Variants in ARHGAP5 observed in about 807,000 individuals in gnomAD.
The protein encoded by ARHGAP5 is Rho GTPase activating protein 5.
A neutral mutation model predicts 116.6 loss-of-function variants in ARHGAP5; 23 were observed. The observed-to-expected ratio is 0.20, with a 90% confidence interval of 0.14 to 0.28. The LOEUF is 0.28. Among genes scored for constraint, ARHGAP5 ranks in the 10% least tolerant of loss-of-function variants. ARHGAP5 has a pLI of 1.00. For missense variants in ARHGAP5, 1,405 were observed against 1,774.8 expected (o/e 0.79, Z 3.74); for synonymous variants, 574 against 602.0 (o/e 0.95, Z 0.68).
chr14:32,122,365 G>C (rs1197222686), intron 3 of ARHGAP5, among the ~76,000 whole-genome samples: 1 of 152,070 alleles, frequency 6.6e-6, no homozygotes, highest in Non-Finnish European at 1.5e-5. Context: ...TAGTTGGATT[G>C]TTTGTCTTAC....
chr14:32,081,177 T>TAAGAATTTG (rs1339198654), intron 1 of ARHGAP5, among the ~76,000 whole-genome samples: 12 of 152,124 alleles, frequency 7.9e-5, no homozygotes, highest in Non-Finnish European at 1.6e-4. Flanking sequence ...GAGGTATATT[T>TAAGAATTTG]AGGGAAGTAC....
intron 2 of ARHGAP5, among the ~76,000 whole-genome samples, chr14:32,105,367 A>G (rs1164744181): frequency 1.3e-5 from 2 of 151,896 alleles, no homozygotes; most frequent in African/African-American, 2.4e-5. Context: ...CTTCCGTTCC[A>G]TTTTCATACT....
At chr14:32,126,212 T>C (rs1880145114) in intron 3 of ARHGAP5, among the ~76,000 whole-genome samples, 1 of 148,482 alleles carries the variant, frequency 6.7e-6, no homozygotes, top group South Asian at 2.2e-4. Flanking sequence ...GAGTATGATA[T>C]CAGCTGTGGG....
rs1878363526 is a variant in ARHGAP5, at chr14:32,093,395, CT to C, written c.2727del (p.Glu910ArgfsTer30). ...ATGACTGAAGGAGAACACATTGCAA[CT>C]GAGATCACTGCTAAATTTACAGCAC... ...ELMTEGEHIATEITAKFTALY... is the reference protein window; with the variant it reads ...ELMTEGEHIAXEITAKFTALY... On this transcript the variant is annotated frameshift_variant, in exon 2 of 7. Coordinates refer to ENST00000345122, the MANE Select transcript of ARHGAP5 (RefSeq NM_001030055.2). LOFTEE classifies it high-confidence loss of function. The C allele has an allele frequency of 6.2e-7, 1 of 1,613,800 alleles. No homozygotes were observed. Among genetic ancestry groups the C allele is most frequent in the Non-Finnish European group, 8.5e-7 (1 of 1,179,932 alleles).
intron 2 of ARHGAP5, among the ~76,000 whole-genome samples, chr14:32,099,806 C>G (rs117728263): frequency 2.0e-3 from 310 of 152,222 alleles, no homozygotes; most frequent in Non-Finnish European, 1.9e-3. Context: ...TTCCTTGATA[C>G]CTGGAAAACC....
chr14:32,138,825 A>G (rs1339505307), intron 3 of ARHGAP5, among the ~76,000 whole-genome samples: 1 of 152,214 alleles, frequency 6.6e-6, no homozygotes, highest in Non-Finnish European at 1.5e-5. Flanking sequence ...TAATAAGTAT[A>G]TAGCTCTGGA....
intron 3 of ARHGAP5, among the ~76,000 whole-genome samples, chr14:32,137,188 T>C (rs1880847758): frequency 6.6e-6 from 1 of 150,856 alleles, no homozygotes; most frequent in East Asian, 1.9e-4. Flanking sequence ...ACTTTTTCCT[T>C]TATCCCTAGG....
chr14:32,134,389 T>A (rs1880675704), intron 3 of ARHGAP5, among the ~76,000 whole-genome samples: 1 of 152,212 alleles, frequency 6.6e-6, no homozygotes, highest in African/African-American at 2.4e-5. Context: ...AAAATACTGC[T>A]TTTTGTCTTA....
At chr14:32,111,838 GAT>G (rs1879317915) in intron 2 of ARHGAP5, among the ~76,000 whole-genome samples, 1 of 116,044 alleles carries the variant, frequency 8.6e-6, no homozygotes, top group Admixed American at 9.5e-5. Flanking sequence ...CTTCTTCTTT[GAT>G]TTTTTTTTTT....
intron 2 of ARHGAP5, among the ~76,000 whole-genome samples, chr14:32,105,183 A>C (rs1381384988): frequency 6.6e-6 from 1 of 152,150 alleles, no homozygotes; most frequent in Non-Finnish European, 1.5e-5. Flanking sequence ...GTATCTGTTC[A>C]ATAAGAAAGG....
chr14:32,086,673 A>G (rs1238181300), intron 1 of ARHGAP5, among the ~76,000 whole-genome samples: 1 of 151,880 alleles, frequency 6.6e-6, no homozygotes, highest in Non-Finnish European at 1.5e-5. Flanking sequence ...ATTTATTGAG[A>G]TTTTATTTTT....
chr14:32,082,959 C>CT (rs1326819849), intron 1 of ARHGAP5, among the ~76,000 whole-genome samples: 1 of 152,232 alleles, frequency 6.6e-6, no homozygotes, highest in African/African-American at 2.4e-5. Context: ...AGTGGCTTCT[C>CT]TATTGCTTAT....
intron 5 of ARHGAP5, among the ~76,000 whole-genome samples, chr14:32,150,462 T>C (rs1881587998): frequency 6.6e-6 from 1 of 152,228 alleles, no homozygotes; most frequent in African/African-American, 2.4e-5. Flanking sequence ...CTTACAGTTC[T>C]AGAGGCTGGT....
chr14:32,143,661 G>A (rs949903774), intron 3 of ARHGAP5, among the ~76,000 whole-genome samples: 8 of 152,126 alleles, frequency 5.3e-5, no homozygotes, highest in African/African-American at 1.9e-4. Context: ...GTGATTTAAG[G>A]CCATATAAAA....
intron 3 of ARHGAP5, among the ~76,000 whole-genome samples, chr14:32,131,790 T>A (rs185798939): frequency 1.8e-4 from 28 of 152,142 alleles, no homozygotes; most frequent in Admixed American, 1.4e-3. Context: ...TGTGTCCACG[T>A]GTTCTCATTA....
rs988922470 is a variant in ARHGAP5, at chr14:32,090,830, C to A, written c.161C>A (p.Thr54Asn). 1 of 1,613,636 alleles carries A rather than the reference C, an allele frequency of 6.2e-7. No individual in the cohort carries two copies. Among genetic ancestry groups the A allele is most frequent in the African/African-American group, 1.3e-5 (1 of 75,002 alleles). ...SKADEYYPEH[T>N]SVLSTIDFGG... is the part of the protein sequence containing the mutation. ...GCAGATGAATATTATCCAGAGCATACTTCTGTGCTTAGCACCATTGACTTT... is the reference window on the plus strand; with the variant it reads ...GCAGATGAATATTATCCAGAGCATAATTCTGTGCTTAGCACCATTGACTTT... Residue 54 changes from threonine to asparagine, a missense_variant, in exon 2 of 7, where the codon ACT (threonine) becomes AAT (asparagine). Around this residue, in one of 6 missense-constraint regions of ARHGAP5, gnomAD observed 190 missense variants for 314.9 expected, o/e 0.60. Coordinates refer to ENST00000345122, the MANE Select transcript of ARHGAP5 (RefSeq NM_001030055.2).
At chr14:32,081,626 G>A (rs1037304246) in intron 1 of ARHGAP5, among the ~76,000 whole-genome samples, 3 of 151,696 alleles carry the variant, frequency 2.0e-5, no homozygotes, top group African/African-American at 7.3e-5. Context: ...ATTTGGAGAA[G>A]GTATTAATGC....
intron 1 of ARHGAP5, 76 bp from the exon 2 acceptor site, chr14:32,090,426 G>A (rs1594343724): frequency 2.2e-6 from 1 of 463,526 alleles, no homozygotes; most frequent in Non-Finnish European, 3.8e-6. Context: ...ATGGTGCTTT[G>A]TTGTAAACAT....
At position 32,150,023 on chromosome 14, in the gene ARHGAP5, G is replaced by C; in HGVS notation, c.4065G>C (p.Leu1355Phe). The C allele has an allele frequency of 4.4e-6, 7 of 1,590,702 alleles. No homozygotes were observed. Among genetic ancestry groups the C allele is most frequent in the Non-Finnish European group, 6.0e-6 (7 of 1,171,506 alleles). ...LIPYSLHPEL[L>F]EAAKIPDKTE... ...CATATTCTCTTCATCCAGAACTATT[G>C]GAAGCAGCAAGTAAGTATAAACCTC... The change falls in exon 5 of 7, where the codon TTG (leucine) becomes TTC (phenylalanine). Residue 1355 changes from leucine to phenylalanine, a missense_variant. This residue lies in a region of ARHGAP5 where 176 missense variants were observed against 221.2 expected (regional missense o/e 0.80). Coordinates refer to ENST00000345122, the MANE Select transcript of ARHGAP5 (RefSeq NM_001030055.2).
Sources: allele counts gnomAD v4.1 joint callset (sites outside exome capture counted in the v4.1 genomes callset), GRCh38; gene constraint gnomAD v4.1.1; regional missense constraint gnomAD v4.1.1; transcripts MANE v1.5; gene names NCBI Gene and HGNC (gene_info 2026-07-23, HGNC 2026-07-21).